The following PHIP variants were observed in gnomAD, a reference collection of about 807,000 sequenced individuals.
The protein encoded by PHIP is PH-interacting protein.
Under a neutral mutation model 236.8 loss-of-function variants are expected in PHIP, and 54 were observed. That is an observed-to-expected ratio of 0.23 (90% CI 0.18 to 0.29). The LOEUF (loss-of-function observed/expected upper bound fraction) is 0.29. PHIP is among the 10% of genes least tolerant of loss of function. The pLI is 1.00. For missense variants in PHIP, 1,370 were observed against 2,190.8 expected (o/e 0.63, Z 7.48); for synonymous variants, 756 against 718.9 (o/e 1.05, Z -0.83).
chr6:78,946,805 T>G lies in PHIP; in HGVS notation c.4276A>C (p.Lys1426Gln). Residue 1426 changes from lysine to glutamine, a missense_variant, in exon 37 of 40, where the codon AAA (lysine) becomes CAA (glutamine). Lys to Gln is a moderately conservative substitution (Grantham distance 53). Coordinates refer to ENST00000275034, the MANE Select transcript of PHIP (RefSeq NM_017934.7). Reference sequence around the variant, plus strand: ...CTTTTATGAAAACGAAGAGCAGATTTATAATCTGATAAAACTGAACTAATG... The same window carrying G: ...CTTTTATGAAAACGAAGAGCAGATTGATAATCTGATAAAACTGAACTAATG... ...EHISSVLSDY[K>Q]SALRFHKRNT... The G allele has an allele frequency of 1.3e-6, 2 of 1,590,634 alleles. No homozygotes were observed. Among genetic ancestry groups the G allele is most frequent in the South Asian group, 2.3e-5 (2 of 87,846 alleles).
intron 39 of PHIP, among the ~76,000 whole-genome samples, chr6:78,944,996 ATTAC>A (rs1287952335): frequency 6.6e-6 from 1 of 152,166 alleles, no homozygotes; most frequent in African/African-American, 2.4e-5. Flanking sequence ...TGATCCAATA[ATTAC>A]TTAAACATTT....
chr6:78,967,856 C>T (rs1345779825), intron 27 of PHIP, among the ~76,000 whole-genome samples: 1 of 152,024 alleles, frequency 6.6e-6, no homozygotes, highest in African/African-American at 2.4e-5. Context: ...ATTTATCGGC[C>T]GGGCGCGGTG....
chr6:78,947,210 G>A (rs139606585), intron 36 of PHIP, among the ~76,000 whole-genome samples: 1 of 152,126 alleles, frequency 6.6e-6, no homozygotes, highest in South Asian at 2.1e-4. Flanking sequence ...TCTAGGACTA[G>A]CATCTATTCT....
intron 19 of PHIP, among the ~76,000 whole-genome samples, chr6:78,997,208 C>T (rs1232296175): frequency 1.3e-5 from 2 of 151,998 alleles, no homozygotes; most frequent in African/African-American, 2.4e-5. Flanking sequence ...GACCTTAACA[C>T]GTATCATTCT....
intron 32 of PHIP, chr6:78,955,907 A>C (rs1766390432): frequency 7.2e-6 from 2 of 279,608 alleles, no homozygotes; most frequent in Non-Finnish European, 6.6e-6. Context: ...ACCAAACCCA[A>C]GTCTCATCTC....
chr6:78,957,175 TCA>T (rs374759667), intron 32 of PHIP: 64 of 152,182 alleles, frequency 4.2e-4, no homozygotes, highest in African/African-American at 1.5e-3. Flanking sequence ...GAAATACATT[TCA>T]CAGACTTTCA....
At chr6:79,015,333 T>C (rs1248247917) in intron 14 of PHIP, 117 bp from the exon 15 acceptor site, 37 of 842,588 alleles carry the variant, frequency 4.4e-5, no homozygotes, top group Non-Finnish European at 4.6e-5. Context: ...AAGTATTAAA[T>C]TGGCAAAAAT....
intron 4 of PHIP, among the ~76,000 whole-genome samples, chr6:79,077,025 G>A (rs1279893706): frequency 1.3e-5 from 2 of 152,156 alleles, no homozygotes; most frequent in African/African-American, 4.8e-5. Flanking sequence ...CTATTGTGTA[G>A]GGCAGGAGAA....
chr6:79,035,606 T>C (rs911909383), intron 7 of PHIP, among the ~76,000 whole-genome samples: 2 of 152,162 alleles, frequency 1.3e-5, no homozygotes, highest in Non-Finnish European at 2.9e-5. Context: ...ACAAGGAGAA[T>C]TTTAATTTCT....
intron 7 of PHIP, among the ~76,000 whole-genome samples, chr6:79,042,234 C>T (rs542715007): frequency 6.3e-4 from 96 of 152,038 alleles, no homozygotes; most frequent in African/African-American, 2.2e-3. Flanking sequence ...AAAAGCTTTG[C>T]TTTTCTCTAT....
In PHIP at chr6:78,990,933, T is replaced by A; in HGVS notation, c.2254A>T (p.Arg752Trp). ...AKGEEEIKTY[R>W]SEEKRKHLTV... is the part of the protein sequence containing the mutation. ...AAGTGTTTTCTTTTCTCTTCTGACC[T>A]GTAAGTCTTTATTTCTTCTTCTCCC... The change falls in exon 20 of 40, where the codon AGG becomes TGG. Residue 752 changes from arginine to tryptophan, a missense_variant. By Grantham distance (101) the Arg-to-Trp change is moderately radical. Coordinates refer to ENST00000275034, the MANE Select transcript of PHIP (RefSeq NM_017934.7). 6.2e-7 allele frequency: 1 copy of A among 1,611,940 alleles called. No homozygotes were observed. The highest frequency in any genetic ancestry group is 8.5e-7 in the Non-Finnish European group (1 of 1,178,418).
Position 78,983,107 on chromosome 6 carries a change from T to C in PHIP, c.2548A>G (p.Ser850Gly). Residue 850 changes from serine to glycine, a missense_variant, in exon 23 of 40, where the codon AGT (serine) becomes GGT (glycine). Physicochemically the swap from Ser to Gly is moderately conservative, Grantham distance 56. Transcript: ENST00000275034. ...HSDGSSSDYSSDYSDWTADAG... is the reference protein window; with the variant it reads ...HSDGSSSDYSGDYSDWTADAG... ...TCTGCTGTCCAGTCAGAGTAATCAC[T>C]GGAGTAGTCACTAGAAGGAGAGAAG... 1.9e-6 allele frequency: 3 copies of C among 1,579,236 alleles called. No homozygotes were observed. The highest frequency in any genetic ancestry group is 2.6e-6 in the Non-Finnish European group (3 of 1,160,772).
In PHIP at chr6:79,049,362, T is replaced by C. The variant is rs184127111; in HGVS notation, c.440-6359A>G. On this transcript the variant is annotated intron_variant, in intron 6 of 39. Transcript: ENST00000275034. Reference sequence around the variant, plus strand: ...CAGGCGTGAGCCACCATGGCTGGTCTTGACTAGTTTTATTCTGTGATTCTA... The same window carrying C: ...CAGGCGTGAGCCACCATGGCTGGTCCTGACTAGTTTTATTCTGTGATTCTA... Among the ~76,000 whole-genome samples the C allele has an allele frequency of 3.1e-3, 475 of 152,250 alleles. 3 individuals carry two copies. Among genetic ancestry groups the C allele is most frequent in the African/African-American group, 0.011 (441 of 41,566 alleles).
At chr6:79,014,923 T>C (rs1770768587) in intron 15 of PHIP, among the ~76,000 whole-genome samples, 159 bp downstream of exon 15, 1 of 151,834 alleles carries the variant, frequency 6.6e-6, no homozygotes, top group African/African-American at 2.4e-5. Flanking sequence ...ATTCAGCATG[T>C]CAATAAAAGT....
chr6:79,033,864 T>A (rs1444513046), intron 7 of PHIP, among the ~76,000 whole-genome samples: 1 of 152,192 alleles, frequency 6.6e-6, no homozygotes, highest in East Asian at 1.9e-4. Flanking sequence ...GACCTGAGAC[T>A]CTTCCTCTCA....
intron 4 of PHIP, among the ~76,000 whole-genome samples, chr6:79,062,313 T>C (rs1370357314): frequency 2.0e-5 from 3 of 152,178 alleles, no homozygotes; most frequent in African/African-American, 7.2e-5. Flanking sequence ...TAGGAAACAC[T>C]AGTATGATTA....
intron 7 of PHIP, among the ~76,000 whole-genome samples, chr6:79,035,209 T>C (rs1336974307): frequency 2.0e-5 from 3 of 152,092 alleles, no homozygotes; most frequent in African/African-American, 7.2e-5. Flanking sequence ...GAACCTGTAA[T>C]AAAAATACTG....
intron 8 of PHIP, 115 bp from the exon 9 acceptor site, chr6:79,025,734 T>C (rs767696906): frequency 5.5e-5 from 41 of 747,776 alleles, no homozygotes; most frequent in Non-Finnish European, 9.0e-5. Flanking sequence ...TGGCAAGAAT[T>C]TACCAAGGTT....
intron 17 of PHIP, among the ~76,000 whole-genome samples, chr6:78,999,943 T>C (rs931427303): frequency 6.6e-6 from 1 of 152,180 alleles, no homozygotes; most frequent in East Asian, 1.9e-4. Context: ...GTTGCAATAC[T>C]GATGAATAAT....
Sources: gnomAD v4.1 joint callset for allele counts (sites outside exome capture counted in the v4.1 genomes callset) on GRCh38, gnomAD v4.1.1 for gene constraint, MANE v1.5 for transcripts, NCBI Gene and HGNC (gene_info 2026-07-23, HGNC 2026-07-21) for gene names.